GRIP1: variants seen among roughly 807,000 people sequenced by gnomAD.
GRIP1 encodes the protein glutamate receptor-interacting protein 1.
In GRIP1, 45 loss-of-function variants were observed where a neutral mutation model predicts 129.9. That is an observed-to-expected ratio of 0.35 (90% CI 0.27 to 0.44). The LOEUF is 0.44. Ranked by LOEUF, GRIP1 falls within the 20% of genes least tolerant of loss-of-function variation. The pLI is 1.00. For synonymous variants in GRIP1, 530 were observed against 520.8 expected, an observed-to-expected ratio of 1.02 and a Z score of -0.24; for missense variants, 1,196 against 1,396.8, an observed-to-expected ratio of 0.86 and a Z score of 2.29.
At chr12:66,705,706 A>C (rs571771709) in intron 1 of GRIP1, among the ~76,000 whole-genome samples, 15 of 152,278 alleles carry the variant, frequency 9.9e-5, no homozygotes, top group Non-Finnish European at 1.6e-4. Context: ...ACCAAAACAG[A>C]CATATAGACC....
intron 1 of GRIP1, among the ~76,000 whole-genome samples, chr12:66,601,481 A>G (rs1307929067): frequency 6.6e-6 from 1 of 152,182 alleles, no homozygotes; most frequent in Non-Finnish European, 1.5e-5. Flanking sequence ...TGGGCTATGC[A>G]GAGGCACCCG....
rs116093212 is a variant in GRIP1, at chr12:66,821,674, C to T, written c.59-224747G>A. Among the ~76,000 whole-genome samples, 367 of 152,278 alleles carry T rather than the reference C, an allele frequency of 2.4e-3. 4 individuals carry two copies. Among genetic ancestry groups the T allele is most frequent in the African/African-American group, 8.5e-3 (354 of 41,554 alleles). Reference sequence around the variant, plus strand: ...TAACTATAAATCTCTCTTATACATACTCACACTTCTGGGTTTTGGAAACAA... The same window carrying T: ...TAACTATAAATCTCTCTTATACATATTCACACTTCTGGGTTTTGGAAACAA... On this transcript the variant is annotated intron_variant, in intron 1 of 1. Transcript: ENST00000643019.
At chr12:66,841,943 G>C (rs531646820) in intron 1 of GRIP1, among the ~76,000 whole-genome samples, 3 of 152,162 alleles carry the variant, frequency 2.0e-5, no homozygotes, top group South Asian at 4.1e-4. Context: ...TAGGACCAAA[G>C]TTTTCTATAA....
At chr12:66,471,781 G>T (rs1472191733) in intron 7 of GRIP1, among the ~76,000 whole-genome samples, 2 of 152,144 alleles carry the variant, frequency 1.3e-5, no homozygotes, top group Non-Finnish European at 2.9e-5. Flanking sequence ...AGGATGCAGA[G>T]GTAGTTTCCA....
chr12:66,957,780 G>A (rs187450164), intron 1 of GRIP1, among the ~76,000 whole-genome samples: 217 of 152,216 alleles, frequency 1.4e-3, no homozygotes, highest in Admixed American at 2.5e-3. Context: ...GGGAGTATAT[G>A]TCAGATTTCT....
intron 7 of GRIP1, among the ~76,000 whole-genome samples, chr12:66,473,409 A>G (rs1383759640): frequency 1.3e-5 from 2 of 152,188 alleles, no homozygotes; most frequent in Non-Finnish European, 2.9e-5. Context: ...GTTTCAGCAG[A>G]CTTAAATGTT....
chr12:66,468,742 A>G (rs2059356690), intron 7 of GRIP1, among the ~76,000 whole-genome samples: 1 of 151,364 alleles, frequency 6.6e-6, no homozygotes, highest in South Asian at 2.1e-4. Flanking sequence ...TGTGGTTTTA[A>G]TGTTCCAATG....
intron 2 of GRIP1, 97 bp from the exon 3 acceptor site, chr12:66,542,047 G>A: frequency 8.8e-7 from 1 of 1,132,084 alleles, no homozygotes; most frequent in Non-Finnish European, 1.3e-6. Flanking sequence ...TCTTTTATGA[G>A]AAAAGATATT....
intron 6 of GRIP1, among the ~76,000 whole-genome samples, chr12:66,516,090 T>C (rs771533214): frequency 6.6e-5 from 10 of 152,154 alleles, no homozygotes; most frequent in Admixed American, 2.0e-4. Flanking sequence ...AATGGATTTA[T>C]TGGAGGCCAG....
chr12:66,508,551 G>A (rs1015329343), intron 7 of GRIP1, among the ~76,000 whole-genome samples: 1 of 152,168 alleles, frequency 6.6e-6, no homozygotes, highest in Non-Finnish European at 1.5e-5. Context: ...CAGGATGAAT[G>A]AGGGAGATGG....
intron 1 of GRIP1, among the ~76,000 whole-genome samples, chr12:66,928,137 C>A (rs566944429): frequency 6.6e-6 from 1 of 152,262 alleles, no homozygotes; most frequent in South Asian, 2.1e-4. Context: ...ATTGTTTATG[C>A]CAGTTTTAGT....
intron 1 of GRIP1, among the ~76,000 whole-genome samples, chr12:66,708,540 G>A (rs1313811879): frequency 6.6e-6 from 1 of 151,712 alleles, no homozygotes; most frequent in African/African-American, 2.4e-5. Flanking sequence ...AGTATGTCAG[G>A]TAGAAAAAGA....
At chr12:66,427,310 GTGTA>G (rs1476284349) in intron 14 of GRIP1, among the ~76,000 whole-genome samples, 3 of 152,084 alleles carry the variant, frequency 2.0e-5, no homozygotes, top group Admixed American at 2.0e-4. Context: ...TTAAAGTGGA[GTGTA>G]GGGTGGGAGA....
intron 1 of GRIP1, among the ~76,000 whole-genome samples, chr12:66,912,751 G>T (rs373109314): frequency 2.6e-4 from 40 of 152,190 alleles, no homozygotes; most frequent in African/African-American, 8.4e-4. Flanking sequence ...TCTAGTGAGG[G>T]TATTTTTGTG....
At chr12:66,667,170 G>T (rs1411827683) in intron 1 of GRIP1, among the ~76,000 whole-genome samples, 1 of 152,028 alleles carries the variant, frequency 6.6e-6, no homozygotes, top group Non-Finnish European at 1.5e-5. Flanking sequence ...GGTTGATGTT[G>T]TACCTATTCA....
At chr12:66,729,431 A>T (rs1417281066) in intron 1 of GRIP1, among the ~76,000 whole-genome samples, 1 of 152,218 alleles carries the variant, frequency 6.6e-6, no homozygotes, top group Non-Finnish European at 1.5e-5. Flanking sequence ...TGCACTTAAC[A>T]TTACATATTT....
At chr12:66,451,660 T>C (rs1401040271) in intron 11 of GRIP1, among the ~76,000 whole-genome samples, 1 of 152,074 alleles carries the variant, frequency 6.6e-6, no homozygotes, top group Non-Finnish European at 1.5e-5. Flanking sequence ...TCCACCCGCC[T>C]CAGCCTCCCA....
intron 1 of GRIP1, among the ~76,000 whole-genome samples, chr12:66,743,419 T>A (rs1478459022): frequency 6.6e-6 from 1 of 151,878 alleles, no homozygotes; most frequent in Non-Finnish European, 1.5e-5. Flanking sequence ...CTAAACAGAG[T>A]AGGGGTCATG....
intron 2 of GRIP1, among the ~76,000 whole-genome samples, chr12:66,544,289 T>C (rs971054258): frequency 6.6e-6 from 1 of 152,178 alleles, no homozygotes; most frequent in Non-Finnish European, 1.5e-5. Flanking sequence ...AATTGAGTAA[T>C]TTGTGCATTC....
Sources: allele counts gnomAD v4.1 joint callset (sites outside exome capture counted in the v4.1 genomes callset), GRCh38; gene constraint gnomAD v4.1.1; transcripts MANE v1.5; gene names NCBI Gene and HGNC (gene_info 2026-07-23, HGNC 2026-07-21).